SGCZ: variants seen among roughly 807,000 people sequenced by gnomAD.
SGCZ encodes zeta-sarcoglycan.
Under a neutral mutation model 41.3 loss-of-function variants are expected in SGCZ, and 40 were observed. The ratio of observed to expected loss-of-function variants is 0.97; its 90% confidence interval spans 0.75 to 1.26. The LOEUF (loss-of-function observed/expected upper bound fraction) is 1.26, where lower values mean the gene tolerates loss of function less well. Among genes scored for constraint, SGCZ ranks in the 50% most tolerant of loss-of-function variants. The pLI is 0.00. For synonymous variants in SGCZ, 206 were observed against 137.5 expected (o/e 1.50, Z -3.49); for missense variants, 552 against 369.8 (o/e 1.49, Z -4.04).
intron 2 of SGCZ, among the ~76,000 whole-genome samples, chr8:14,404,218 A>C (rs1211936865): frequency 6.6e-6 from 1 of 152,174 alleles, no homozygotes; most frequent in Non-Finnish European, 1.5e-5. Flanking sequence ...GTCAAGTGCA[A>C]TTTGTTTTTT....
chr8:14,767,247 T>G (rs1800066050), intron 1 of SGCZ, among the ~76,000 whole-genome samples: 1 of 152,054 alleles, frequency 6.6e-6, no homozygotes, highest in Non-Finnish European at 1.5e-5. Flanking sequence ...CCCTCACAAT[T>G]CCCCTGAAGC....
Position 14,257,532 on chromosome 8 carries a change from C to A in SGCZ, c.337-19853G>T, listed in dbSNP as rs560833151. On this transcript the variant is annotated intron_variant, in intron 3 of 7. Coordinates refer to ENST00000382080, the MANE Select transcript of SGCZ (RefSeq NM_139167.4). ...AGTTCTAGGGTACATGTGCACAACA[C>A]GCAGGTTTGTTACATATGTATACAT... Among the ~76,000 whole-genome samples, 57 of 151,710 alleles carry A rather than the reference C, an allele frequency of 3.8e-4. 1 individual carries two copies. Among genetic ancestry groups the A allele is most frequent in the African/African-American group, 1.3e-3 (55 of 41,368 alleles).
chr8:14,702,814 TA>T (rs1809190597), intron 1 of SGCZ, among the ~76,000 whole-genome samples: 1 of 1,870 alleles, frequency 5.3e-4, no homozygotes, highest in East Asian at 0.017. Context: ...GGTAGTTAGG[TA>T]GATAGATAGA....
intron 1 of SGCZ, among the ~76,000 whole-genome samples, chr8:14,876,632 G>A (rs1018928353): frequency 4.6e-5 from 7 of 152,016 alleles, no homozygotes; most frequent in African/African-American, 1.7e-4. Context: ...TATTAGTGAG[G>A]GTCACTTAAA....
intron 1 of SGCZ, among the ~76,000 whole-genome samples, chr8:14,587,201 A>C (rs1805087156): frequency 6.6e-6 from 1 of 152,048 alleles, no homozygotes; most frequent in Non-Finnish European, 1.5e-5. Flanking sequence ...GTTTTACACA[A>C]TTGCTAAATG....
At chr8:14,150,648 A>G (rs1487529798) in intron 5 of SGCZ, among the ~76,000 whole-genome samples, 3 of 152,154 alleles carry the variant, frequency 2.0e-5, no homozygotes, top group Non-Finnish European at 2.9e-5. Flanking sequence ...GAGCTACCAT[A>G]TGATCCAGCA....
intron 1 of SGCZ, among the ~76,000 whole-genome samples, chr8:15,168,333 G>GCCAACCCCAGGCTTCCTGTTTCATGGA (rs1313915849): frequency 2.6e-5 from 4 of 152,034 alleles, no homozygotes; most frequent in Non-Finnish European, 4.4e-5. Flanking sequence ...TGTTTCATGG[G>GCCAACCCCAGGCTTCCTGTTTCATGGA]TAAAGACCAA....
At chr8:14,818,793 G>C (rs1004037072) in intron 1 of SGCZ, among the ~76,000 whole-genome samples, 1 of 151,944 alleles carries the variant, frequency 6.6e-6, no homozygotes, top group Admixed American at 6.6e-5. Flanking sequence ...AAATACAACT[G>C]AGAGCTTCAA....
intron 1 of SGCZ, among the ~76,000 whole-genome samples, chr8:14,621,349 A>G (rs1019929821): frequency 1.3e-5 from 2 of 151,542 alleles, no homozygotes; most frequent in African/African-American, 2.4e-5. Context: ...TGACAAGTTA[A>G]CGGGTGCAGC....
intron 1 of SGCZ, among the ~76,000 whole-genome samples, chr8:14,764,184 A>C (rs1799972535): frequency 6.6e-6 from 1 of 152,238 alleles, no homozygotes; most frequent in Non-Finnish European, 1.5e-5. Flanking sequence ...ATTTTTGTAA[A>C]AAAGCACTTA....
At chr8:14,267,338 G>C (rs1799908117) in intron 3 of SGCZ, among the ~76,000 whole-genome samples, 1 of 151,938 alleles carries the variant, frequency 6.6e-6, no homozygotes, top group African/African-American at 2.4e-5. Context: ...GAGGAAAAAA[G>C]CATGGAAACA....
intron 3 of SGCZ, among the ~76,000 whole-genome samples, chr8:14,310,287 C>T (rs1301854753): frequency 6.6e-6 from 1 of 151,884 alleles, no homozygotes; most frequent in African/African-American, 2.4e-5. Flanking sequence ...GTGAAGGATC[C>T]AGGAATATGA....
chr8:14,728,959 T>C (rs1810145154), intron 1 of SGCZ, among the ~76,000 whole-genome samples: 1 of 152,208 alleles, frequency 6.6e-6, no homozygotes, highest in Non-Finnish European at 1.5e-5. Context: ...GTTCCTTTCA[T>C]GCGAAGTCAA....
At chr8:14,858,496 T>C (rs752012908) in intron 1 of SGCZ, among the ~76,000 whole-genome samples, 12 of 152,134 alleles carry the variant, frequency 7.9e-5, no homozygotes, top group African/African-American at 2.7e-4. Flanking sequence ...CTCACACAGA[T>C]ACAAGTTGGA....
At chr8:14,528,463 A>G (rs879557015) in intron 2 of SGCZ, among the ~76,000 whole-genome samples, 7 of 152,124 alleles carry the variant, frequency 4.6e-5, no homozygotes, top group Non-Finnish European at 5.9e-5. Flanking sequence ...AGCATGGTAT[A>G]GAGTTATATG....
Position 14,251,734 on chromosome 8 carries a change from GA to G in SGCZ, c.337-14056del, listed in dbSNP as rs374956636. ...ATTTTATATAAGAATTCATAAAAAG[GA>G]AAAAAATTCCATTATGTTAAATGTA... On this transcript the variant is annotated intron_variant, in intron 3 of 7. Transcript: ENST00000382080. 3.3e-4 allele frequency among the ~76,000 whole-genome samples: 50 copies of G among 152,016 alleles called. No homozygotes were observed. In the East Asian group the frequency reaches 7.5e-3, roughly 23 times the overall value.
intron 2 of SGCZ, among the ~76,000 whole-genome samples, chr8:14,465,359 C>G (rs953037622): frequency 2.0e-5 from 3 of 151,538 alleles, no homozygotes; most frequent in African/African-American, 7.3e-5. Context: ...TCTATTTTGT[C>G]TGATATTAGT....
At chr8:14,683,608 C>T (rs913479414) in intron 1 of SGCZ, among the ~76,000 whole-genome samples, 1 of 151,854 alleles carries the variant, frequency 6.6e-6, no homozygotes, top group African/African-American at 2.4e-5. Flanking sequence ...TCTTATTTTC[C>T]CAGATAATAA....
chr8:14,390,070 T>C (rs1158361691), intron 2 of SGCZ, among the ~76,000 whole-genome samples: 2 of 152,014 alleles, frequency 1.3e-5, no homozygotes, highest in Non-Finnish European at 2.9e-5. Flanking sequence ...TAAAATAACT[T>C]TGATGATAAA....
Sources: allele counts gnomAD v4.1 joint callset (sites outside exome capture counted in the v4.1 genomes callset), GRCh38; gene constraint gnomAD v4.1.1; transcripts MANE v1.5; gene names NCBI Gene and HGNC (gene_info 2026-07-23, HGNC 2026-07-21).